Variants in OTOF observed in about 807,000 individuals in gnomAD.
OTOF encodes the protein otoferlin, also known as fer-1-like family member 2.
A neutral mutation model predicts 236.8 loss-of-function variants in OTOF; 218 were observed. That is an observed-to-expected ratio of 0.92 (90% CI 0.82 to 1.03). The LOEUF is 1.03. Among genes scored for constraint, OTOF ranks in the 50% least tolerant of loss-of-function variants. The probability of loss-of-function intolerance (pLI) is 0.00; values close to 1 mark genes in which losing one functional copy is unlikely to be tolerated. For synonymous variants in OTOF, 1,041 were observed against 1,072.5 expected, an observed-to-expected ratio of 0.97 and a Z score of 0.57; for missense variants, 2,590 against 2,694.4, an observed-to-expected ratio of 0.96 and a Z score of 0.86.
Position 26,475,507 on chromosome 2 carries a change from T to A in OTOF, c.2992-14A>T, listed in dbSNP as rs370041999. The A allele has an allele frequency of 1.9e-6, 3 of 1,610,080 alleles. No individual in the cohort carries two copies. In the African/African-American group the frequency reaches 4.0e-5, roughly 22 times the overall value. ...CTCATTCAGCACCTGCAGCATGGGA[T>A]GGGGAGACAGGGGACAAGTGACAGA... On this transcript the variant is annotated splice_polypyrimidine_tract_variant and intron_variant, in intron 24 of 46. Coordinates refer to ENST00000272371, the MANE Select transcript of OTOF (RefSeq NM_194248.3).
intron 8 of OTOF, among the ~76,000 whole-genome samples, chr2:26,500,090 G>T (rs919446699): frequency 2.0e-5 from 3 of 152,222 alleles, no homozygotes; most frequent in Non-Finnish European, 4.4e-5. Context: ...GAAGGGAGCA[G>T]CTGTCTAGAA....
Position 26,479,360 on chromosome 2 carries a change from C to T in OTOF, c.2118G>A (p.Leu706=), listed in dbSNP as rs918506203. The T allele has an allele frequency of 4.3e-6, 7 of 1,612,714 alleles. No individual in the cohort carries two copies. The highest frequency in any genetic ancestry group is 1.3e-5 in the African/African-American group (1 of 74,942). ...TGATGTAGATGCAGGGCTTTCGCTC[C>T]AGGTAGGGCAGATGGAAGTAGTTCC... ...TDRNYFHLPY[L]ERKPCIYIKS... Residue 706 remains leucine, a synonymous_variant, in exon 18 of 47, where the codon CTG becomes CTA. Transcript: ENST00000272371.
At chr2:26,525,154 A>G (rs992562520) in intron 3 of OTOF, among the ~76,000 whole-genome samples, 5 of 152,200 alleles carry the variant, frequency 3.3e-5, no homozygotes, top group Non-Finnish European at 7.4e-5. Context: ...AGCTGCCTGA[A>G]TGGTGTGATG....
Position 26,460,535 on chromosome 2 carries a change from T to C in OTOF, c.5813+112A>G. 1.1e-6 allele frequency: 1 copy of C among 877,598 alleles called. No homozygotes were observed. The highest frequency in any genetic ancestry group is 1.9e-6 in the Non-Finnish European group (1 of 534,670). 54.4% of individuals were successfully genotyped at this position (877,598 alleles called of 1,614,324 possible). ...GCAGAGGGCAGGGAGGAGGCTCCCC[T>C]GTAATGAGGCTGTGGCCCAGGAAGA... On this transcript the variant is annotated intron_variant, in intron 45 of 46. Coordinates refer to ENST00000272371, the MANE Select transcript of OTOF (RefSeq NM_194248.3). The surrounding 1 kb of genome is among the most constrained non-coding windows in gnomAD (Gnocchi z 5.3).
At chr2:26,480,535 G>A (rs967227294) in intron 15 of OTOF, among the ~76,000 whole-genome samples, 2 of 152,252 alleles carry the variant, frequency 1.3e-5, no homozygotes, top group Admixed American at 1.3e-4. Context: ...TGGGAAGAGG[G>A]GCAGAGGGGA....
intron 3 of OTOF, among the ~76,000 whole-genome samples, chr2:26,521,942 C>G (rs536792004): frequency 4.6e-5 from 7 of 152,348 alleles, no homozygotes; most frequent in African/African-American, 1.7e-4. Flanking sequence ...AGCCCCTCCT[C>G]CCTCCCTAAT....
chr2:26,533,087 T>C (rs1424945704), intron 2 of OTOF, among the ~76,000 whole-genome samples: 1 of 152,168 alleles, frequency 6.6e-6, no homozygotes, highest in African/African-American at 2.4e-5. Flanking sequence ...CTAAGCTCCA[T>C]CTAATGTCAG....
intron 8 of OTOF, among the ~76,000 whole-genome samples, chr2:26,497,488 G>A (rs896170034): frequency 2.0e-5 from 3 of 152,148 alleles, no homozygotes; most frequent in African/African-American, 4.8e-5. Context: ...TTCTAAATAC[G>A]ACTTTACTTG....
chr2:26,550,017 G>A (rs1455616915), intron 1 of OTOF, among the ~76,000 whole-genome samples: 1 of 151,320 alleles, frequency 6.6e-6, no homozygotes, highest in Non-Finnish European at 1.5e-5. Context: ...ATACAATGAG[G>A]TATAATGGGA....
intron 9 of OTOF, among the ~76,000 whole-genome samples, chr2:26,494,231 G>T (rs555149236): frequency 4.6e-5 from 7 of 152,374 alleles, no homozygotes; most frequent in African/African-American, 1.4e-4. Flanking sequence ...AAAGTAGAAG[G>T]TCTCTGAGGT....
Position 26,460,765 on chromosome 2 carries a change from G to T in OTOF, c.5713-18C>A. On this transcript the variant is annotated intron_variant, in intron 44 of 46. Coordinates refer to ENST00000272371, the MANE Select transcript of OTOF (RefSeq NM_194248.3). The surrounding 1 kb of genome is among the most constrained non-coding windows in gnomAD (Gnocchi z 5.3). ...ACCTTGCCCTGCAGAGGACAGACAGGTCCCAGCGTCCAGGCTGCGTGCTGG... is the reference window on the plus strand; with the variant it reads ...ACCTTGCCCTGCAGAGGACAGACAGTTCCCAGCGTCCAGGCTGCGTGCTGG... The T allele has an allele frequency of 6.2e-7, 1 of 1,613,686 alleles. No individual in the cohort carries two copies. The highest frequency in any genetic ancestry group is 1.1e-5 in the South Asian group (1 of 91,064).
intron 2 of OTOF, among the ~76,000 whole-genome samples, chr2:26,529,999 T>C (rs1666904825): frequency 6.9e-6 from 1 of 143,894 alleles, no homozygotes; most frequent in South Asian, 2.2e-4. Context: ...GCTGCTTTTA[T>C]GGGGCTGCAG....
At position 26,546,394 on chromosome 2, in the gene OTOF, G is replaced by A. The variant is rs1210626359; in HGVS notation, c.80-8620C>T. Among the ~76,000 whole-genome samples the A allele has an allele frequency of 4.6e-5, 7 of 151,914 alleles. No individual in the cohort carries two copies. The East Asian group carries it at 1.4e-3, about 29-fold the overall frequency. On this transcript the variant is annotated intron_variant, in intron 1 of 46. Coordinates refer to ENST00000272371, the MANE Select transcript of OTOF (RefSeq NM_194248.3). ...GAGAATCGCTTGAACCCGGGAGGTG[G>A]AGGTTGCAGTGAGCTGAGATTGCTC...
Position 26,473,969 on chromosome 2 carries a change from G to A in OTOF, c.3408+22C>T. On this transcript the variant is annotated intron_variant, in intron 27 of 46. Transcript: ENST00000272371. The surrounding 1 kb of genome is among the most constrained non-coding windows in gnomAD (Gnocchi z 7.2). ...CTCAGACTCCTCATCCAAAAGGGAA[G>A]GGCCACACAGAGCCCTCGCACCTCC... is the stretch of plus-strand genomic sequence containing the variant. 1 of 1,612,720 alleles carries A rather than the reference G, an allele frequency of 6.2e-7. No homozygotes were observed. Among genetic ancestry groups the A allele is most frequent in the Non-Finnish European group, 8.5e-7 (1 of 1,179,818 alleles).
rs752881057 is a variant in OTOF, at chr2:26,477,691, C to T, written c.2273G>A (p.Arg758His). The T allele has an allele frequency of 3.4e-5, 55 of 1,612,562 alleles. No individual in the cohort carries two copies. Among genetic ancestry groups the T allele is most frequent in the South Asian group, 2.1e-4 (19 of 91,092 alleles). Residue 758 changes from arginine (R) to histidine (H), a missense_variant, in exon 19 of 47, where the codon CGT becomes CAT. By Grantham distance (29) the Arg-to-His change is conservative. Coordinates refer to ENST00000272371, the MANE Select transcript of OTOF (RefSeq NM_194248.3). This position sits in a 1 kb window ranked among gnomAD's most constrained non-coding sequence, Gnocchi z 4.7. ...MIKTEKSYPE[R>H]RLRGVLEELS... Reference sequence around the variant, plus strand: ...CTCCTCCAGGACGCCCCGCAGGCGACGCTCAGGGTAGGACTTCTCCGTTTT... The same window carrying T: ...CTCCTCCAGGACGCCCCGCAGGCGATGCTCAGGGTAGGACTTCTCCGTTTT...
chr2:26,520,421 A>T (rs1352236182), intron 3 of OTOF, among the ~76,000 whole-genome samples: 1 of 152,038 alleles, frequency 6.6e-6, no homozygotes, highest in Non-Finnish European at 1.5e-5. Flanking sequence ...TTGATTTTTT[A>T]AAAATCTTCC....
At position 26,509,999 on chromosome 2, in the gene OTOF, G is replaced by C. The variant is rs1448691278; in HGVS notation, c.510-6154C>G. Among the ~76,000 whole-genome samples, 36 of 152,120 alleles carry C rather than the reference G, an allele frequency of 2.4e-4. 1 individual carries two copies. Among genetic ancestry groups the C allele is most frequent in the Non-Finnish European group, 5.0e-4 (34 of 68,038 alleles). On this transcript the variant is annotated intron_variant, in intron 5 of 46. Coordinates refer to ENST00000272371, the MANE Select transcript of OTOF (RefSeq NM_194248.3). ...CCTTATGAGATCCCGTAATGCTAGAGTCCTCCAGATGTCAGTGTGCTTCTA... is the reference window on the plus strand; with the variant it reads ...CCTTATGAGATCCCGTAATGCTAGACTCCTCCAGATGTCAGTGTGCTTCTA...
At chr2:26,556,901 A>G (rs1245659644) in intron 1 of OTOF, among the ~76,000 whole-genome samples, 1 of 152,210 alleles carries the variant, frequency 6.6e-6, no homozygotes. Flanking sequence ...GCCACATTTC[A>G]CAGATGAAAG....
At chr2:26,528,009 A>C in intron 2 of OTOF, 89 bp from the exon 3 acceptor site, 1 of 926,820 alleles carries the variant, frequency 1.1e-6, no homozygotes, top group Non-Finnish European at 1.8e-6. Flanking sequence ...GGGGATCTCC[A>C]ACAGTCAGAG....
Sources: allele counts gnomAD v4.1 joint callset (sites outside exome capture counted in the v4.1 genomes callset), GRCh38; gene constraint gnomAD v4.1.1; non-coding constraint Gnocchi (gnomAD v3.1); transcripts MANE v1.5; gene names NCBI Gene and HGNC (gene_info 2026-07-23, HGNC 2026-07-21).